COPS3: variants seen among roughly 807,000 people sequenced by gnomAD.
COPS3 encodes the protein COP9 signalosome subunit 3, also known as COP9 signalosome complex subunit 3.
COPS3 carries 10 observed loss-of-function variants against 58.2 expected under a neutral mutation model. The observed-to-expected ratio is 0.17, with a 90% CI of 0.11 to 0.29. The LOEUF (loss-of-function observed/expected upper bound fraction) is 0.29, where lower values mean the gene tolerates loss of function less well. COPS3 is among the 10% of genes least tolerant of loss of function. The probability of loss-of-function intolerance (pLI) is 1.00; values close to 1 mark genes in which losing one functional copy is unlikely to be tolerated. For synonymous variants in COPS3, 187 were observed against 181.7 expected, an observed-to-expected ratio of 1.03 and a Z score of -0.24; for missense variants, 333 against 510.1, an observed-to-expected ratio of 0.65 and a Z score of 3.34.
chr17:17,274,345 G>A (rs1163345558), intron 2 of COPS3, among the ~76,000 whole-genome samples: 1 of 151,950 alleles, frequency 6.6e-6, no homozygotes, highest in African/African-American at 2.4e-5. Flanking sequence ...CAGATGTATG[G>A]TGACATTGTT....
chr17:17,280,038 G>A (rs1180996930), intron 1 of COPS3, among the ~76,000 whole-genome samples: 1 of 152,198 alleles, frequency 6.6e-6, no homozygotes, highest in Non-Finnish European at 1.5e-5. Flanking sequence ...GCCGAGGTGG[G>A]CGGATCACTT....
Position 17,247,510 on chromosome 17 carries a change from C to T in COPS3, c.1188G>A (p.Glu396=). 1 of 1,614,244 alleles carries T rather than the reference C, an allele frequency of 6.2e-7. No homozygotes were observed. Residue 396 remains glutamate (E), a synonymous_variant, in exon 11 of 12, where the codon GAG becomes GAA. Transcript: ENST00000268717. ...GTACAAACTGAGGGTTCACTGTGAT[C>T]TCCTGGTCCATGGCTTTCAGCCGCT... ...LDERLKAMDQ[E]ITVNPQFVQK...
chr17:17,254,938 A>G lies in COPS3; in HGVS notation c.944T>C (p.Leu315Ser). Residue 315 changes from leucine to serine, a missense_variant, in exon 9 of 12, where the codon TTA (leucine) becomes TCA (serine). By Grantham distance (145) the Leu-to-Ser change is moderately radical (BLOSUM62 -2). Coordinates refer to ENST00000268717, the MANE Select transcript of COPS3 (RefSeq NM_003653.4). ...KNIQRLTKTFLTLSLQDMASR... is the reference protein window; with the variant it reads ...KNIQRLTKTFSTLSLQDMASR... ...TGCCATATCTTGTAATGATAGAGTT[A>G]AAAAGGTCTGAAAGTCAGAAGCAGA... 1 of 1,610,752 alleles carries G rather than the reference A, an allele frequency of 6.2e-7. No homozygotes were observed. The highest frequency in any genetic ancestry group is 8.5e-7 in the Non-Finnish European group (1 of 1,177,492).
chr17:17,275,527 T>C (rs2048443103), intron 2 of COPS3, among the ~76,000 whole-genome samples: 1 of 152,122 alleles, frequency 6.6e-6, no homozygotes, highest in Non-Finnish European at 1.5e-5. Context: ...TTGAACAAAA[T>C]ATAACAAGCA....
At chr17:17,281,043 G>A in intron 1 of COPS3, 89 bp downstream of exon 1, 1 of 1,416,030 alleles carries the variant, frequency 7.1e-7, no homozygotes, top group Non-Finnish European at 9.8e-7. Context: ...GGACTAAAAG[G>A]GCTGTTCCAG....
At position 17,281,209 on chromosome 17, in the gene COPS3, C is replaced by A. The variant is rs745867794; in HGVS notation, c.-23G>T. ...CATGTTTTCCCCCGGGCGGCCCGAG[C>A]GGCGAAGGCAGCACGCGCGGGAAAA... On this transcript the variant is annotated 5_prime_UTR_variant, in exon 1 of 12. Transcript: ENST00000268717. 1.9e-6 allele frequency: 3 copies of A among 1,604,874 alleles called. No homozygotes were observed. Among genetic ancestry groups the A allele is most frequent in the East Asian group, 4.5e-5 (2 of 44,646 alleles).
chr17:17,253,720 G>A (rs2047900069), intron 9 of COPS3, among the ~76,000 whole-genome samples: 1 of 152,220 alleles, frequency 6.6e-6, no homozygotes, highest in Admixed American at 6.5e-5. Flanking sequence ...GTTGCTTGAT[G>A]TACGTACTGG....
chr17:17,251,162 T>C (rs1297177359), intron 9 of COPS3, among the ~76,000 whole-genome samples: 2 of 151,948 alleles, frequency 1.3e-5, no homozygotes, highest in South Asian at 2.1e-4. Context: ...GCCTGGCTAA[T>C]TTTTTGTACT....
Position 17,260,377 on chromosome 17 carries a change from G to A in COPS3, c.860C>T (p.Thr287Ile). The change falls in exon 8 of 12, where the codon ACT becomes ATT. Residue 287 changes from threonine to isoleucine, a missense_variant. Coordinates refer to ENST00000268717, the MANE Select transcript of COPS3 (RefSeq NM_003653.4). ...NLVNKHSETF[T>I]RDNNMGLVKQ... ...CACCAGCCCCATGTTGTTATCGCGA[G>A]TGAAGGTTTCACTGTGCTTATTCAC... 1.2e-6 allele frequency: 2 copies of A among 1,614,206 alleles called. No individual in the cohort carries two copies. Among genetic ancestry groups the A allele is most frequent in the African/African-American group, 1.3e-5 (1 of 75,060 alleles).
At chr17:17,271,938 A>G (rs1003154551) in intron 2 of COPS3, among the ~76,000 whole-genome samples, 56 of 147,662 alleles carry the variant, frequency 3.8e-4, no homozygotes, top group African/African-American at 1.4e-3. Flanking sequence ...TTTTATATAT[A>G]TATATATGTT....
intron 6 of COPS3, among the ~76,000 whole-genome samples, chr17:17,262,933 T>C (rs2048134554): frequency 2.0e-5 from 3 of 150,684 alleles, no homozygotes; most frequent in Non-Finnish European, 4.4e-5. Context: ...CGAGTCTCTG[T>C]TACCCAGGCT....
chr17:17,265,188 T>C (rs973851415), intron 5 of COPS3, among the ~76,000 whole-genome samples: 2 of 152,194 alleles, frequency 1.3e-5, no homozygotes, highest in African/African-American at 4.8e-5. Flanking sequence ...TTTGGAATAT[T>C]TGCAGAATAC....
At chr17:17,273,766 C>T (rs1163765570) in intron 2 of COPS3, among the ~76,000 whole-genome samples, 1 of 152,166 alleles carries the variant, frequency 6.6e-6, no homozygotes, top group Non-Finnish European at 1.5e-5. Flanking sequence ...GTTGGAAGAT[C>T]ACTTGAGTCC....
intron 2 of COPS3, among the ~76,000 whole-genome samples, chr17:17,273,893 T>G (rs747837234): frequency 6.6e-6 from 1 of 152,170 alleles, no homozygotes; most frequent in Non-Finnish European, 1.5e-5. Flanking sequence ...GGCACATGCC[T>G]GTGGTCCCAG....
intron 8 of COPS3, among the ~76,000 whole-genome samples, chr17:17,256,361 G>T (rs975085673): frequency 6.6e-6 from 1 of 151,808 alleles, no homozygotes; most frequent in African/African-American, 2.4e-5. Context: ...AAATATAATT[G>T]AAAAAATAAC....
At chr17:17,280,594 T>C (rs1436671876) in intron 1 of COPS3, 1 of 1,300,124 alleles carries the variant, frequency 7.7e-7, no homozygotes, top group Non-Finnish European at 1.0e-6. Context: ...TTCCGCAGCA[T>C]TCTGTAGGAC....
chr17:17,254,035 A>G (rs952802747), intron 9 of COPS3, among the ~76,000 whole-genome samples: 2 of 151,670 alleles, frequency 1.3e-5, no homozygotes, highest in African/African-American at 2.4e-5. Flanking sequence ...GGCTGGGCAC[A>G]GTGGCTCACG....
rs564975721 is a variant in COPS3 at position 17,272,456 on chromosome 17, T to C, written c.186-1448A>G. ...AACTCCTTTATGTTTATACAAATCC[T>C]GAAAATTTGTTTTAAAAAATGGCCA... On this transcript the variant is annotated intron_variant, in intron 2 of 11. Transcript: ENST00000268717. Among the ~76,000 whole-genome samples the C allele has an allele frequency of 3.3e-5, 5 of 152,264 alleles. No individual in the cohort carries two copies. The South Asian group carries it at 1.0e-3, about 32-fold the overall frequency.
chr17:17,247,082 A>C lies in COPS3; in HGVS notation c.*16T>G, dbSNP rs769996412. 1 of 1,611,382 alleles carries C rather than the reference A, an allele frequency of 6.2e-7. No individual in the cohort carries two copies. The highest frequency in any genetic ancestry group is 1.3e-5 in the African/African-American group (1 of 74,982). On this transcript the variant is annotated 3_prime_UTR_variant, in exon 12 of 12. Transcript: ENST00000268717. ...GATGGTAGTTTCTCTTGTTTAGCTC[A>C]GGATGGATGTTAGTTTCAAGAATAA...
Sources: allele counts gnomAD v4.1 joint callset (sites outside exome capture counted in the v4.1 genomes callset), GRCh38; gene constraint gnomAD v4.1.1; transcripts MANE v1.5; gene names NCBI Gene and HGNC (gene_info 2026-07-23, HGNC 2026-07-21).